The following UTP20 variants were observed in gnomAD, a reference collection of about 807,000 sequenced individuals.
UTP20 encodes small subunit processome component 20 homolog.
A neutral mutation model predicts 329.5 loss-of-function variants in UTP20; 164 were observed. The observed-to-expected ratio is 0.50, with a 90% CI of 0.44 to 0.57. The LOEUF is 0.57. Ranked by LOEUF, UTP20 falls within the 20% of genes least tolerant of loss-of-function variation. The pLI is 0.00. For missense variants in UTP20, 3,055 were observed against 3,284.2 expected (o/e 0.93, Z 1.71); for synonymous variants, 1,151 against 1,159.3 (o/e 0.99, Z 0.14).
rs1480540539 is a variant in UTP20, at chr12:101,385,964, C to A, written c.8203-4C>A. The stretch of plus-strand genomic sequence containing the variant: ...TAATATAAAATTTCTATTCTCTTTT[C>A]CAGTTTGTAACTAATCCTGATATTG... On this transcript the variant is annotated splice_polypyrimidine_tract_variant and splice_region_variant and intron_variant, in intron 61 of 61. Transcript: ENST00000261637. The A allele has an allele frequency of 6.4e-7, 1 of 1,555,840 alleles. No homozygotes were observed. Among genetic ancestry groups the A allele is most frequent in the Non-Finnish European group, 8.7e-7 (1 of 1,148,782 alleles).
chr12:101,365,072 T>TTGAGTG (rs1870049657), intron 45 of UTP20, among the ~76,000 whole-genome samples: 3 of 141,916 alleles, frequency 2.1e-5, no homozygotes, highest in African/African-American at 8.2e-5. Context: ...ATTTTGTTGA[T>TTGAGTG]TGTGTGTGTG....
chr12:101,307,564 A>G (rs1872674899), intron 17 of UTP20, among the ~76,000 whole-genome samples: 2 of 152,118 alleles, frequency 1.3e-5, no homozygotes, highest in Non-Finnish European at 2.9e-5. Flanking sequence ...GTTAGTAAAG[A>G]TGGAGTTTTG....
intron 43 of UTP20, among the ~76,000 whole-genome samples, chr12:101,360,097 A>G (rs1233724532): frequency 1.3e-5 from 2 of 152,184 alleles, no homozygotes; most frequent in Non-Finnish European, 2.9e-5. Flanking sequence ...CTGTTCTTCA[A>G]GTCTATCCCA....
intron 43 of UTP20, among the ~76,000 whole-genome samples, chr12:101,358,831 C>T (rs1422583679): frequency 1.3e-5 from 2 of 152,150 alleles, no homozygotes; most frequent in East Asian, 1.9e-4. Flanking sequence ...AACCATCACA[C>T]TTATAAATTA....
intron 2 of UTP20, among the ~76,000 whole-genome samples, chr12:101,283,915 T>A (rs1871876130): frequency 6.6e-6 from 1 of 152,118 alleles, no homozygotes; most frequent in Admixed American, 6.6e-5. Flanking sequence ...TTTTAATATT[T>A]GTGGTTACAT....
chr12:101,296,330 G>T (rs1178459863), intron 12 of UTP20, among the ~76,000 whole-genome samples: 2 of 152,126 alleles, frequency 1.3e-5, no homozygotes, highest in Non-Finnish European at 2.9e-5. Flanking sequence ...CCAGCACTTT[G>T]GGAGGCCGAG....
At position 101,367,926 on chromosome 12, in the gene UTP20, G is replaced by A; in HGVS notation, c.6334G>A (p.Asp2112Asn). The A allele has an allele frequency of 6.2e-7, 1 of 1,613,844 alleles. No homozygotes were observed. Among genetic ancestry groups the A allele is most frequent in the Non-Finnish European group, 8.5e-7 (1 of 1,179,838 alleles). The change falls in exon 48 of 62, where the codon GAT (aspartate) becomes AAT (asparagine). Residue 2112 changes from aspartate to asparagine, a missense_variant. Physicochemically the swap from Asp to Asn is conservative, Grantham distance 23. Coordinates refer to ENST00000261637, the MANE Select transcript of UTP20 (RefSeq NM_014503.3). ...SSGECVLEML[D>N]PFVSLLIDCL... ...AGGTGAATGTGTCCTGGAAATGCTG[G>A]ATCCTTTTGTGTCTCTCCTCATAGA...
Position 101,285,598 on chromosome 12 carries a change from T to C in UTP20, c.155T>C (p.Leu52Pro). ...EEVETYFFEG[L>P]LKWRELNLTE... The stretch of plus-strand genomic sequence containing the variant: ...GTTGAAACCTACTTTTTTGAGGGTC[T>C]GCTGAAATGGAGAGAATTAAACCTC... The change falls in exon 3 of 62, where the codon CTG (leucine) becomes CCG (proline). Residue 52 changes from leucine (L) to proline (P), a missense_variant. By Grantham distance (98) the Leu-to-Pro change is moderately conservative. Around this residue, in one of 3 missense-constraint regions of UTP20, gnomAD observed 2,445 missense variants for 2,575.5 expected, o/e 0.95. Transcript: ENST00000261637. The C allele has an allele frequency of 6.2e-7, 1 of 1,613,888 alleles. No homozygotes were observed.
At chr12:101,360,598 G>A (rs888821629) in intron 43 of UTP20, among the ~76,000 whole-genome samples, 1 of 152,150 alleles carries the variant, frequency 6.6e-6, no homozygotes, top group African/African-American at 2.4e-5. Context: ...GCTGAGGCGG[G>A]CAGATCACTT....
intron 1 of UTP20, among the ~76,000 whole-genome samples, chr12:101,280,909 CAT>C (rs1272261351): frequency 1.3e-5 from 2 of 152,188 alleles, no homozygotes; most frequent in East Asian, 3.8e-4. Context: ...TTTGAAATGA[CAT>C]AGCTGAGAGA....
intron 31 of UTP20, among the ~76,000 whole-genome samples, chr12:101,340,269 A>G (rs1869077761): frequency 7.2e-5 from 11 of 152,152 alleles, no homozygotes; most frequent in Admixed American, 7.2e-4. Flanking sequence ...TCACCTGTTC[A>G]CTCTAACCCA....
intron 43 of UTP20, among the ~76,000 whole-genome samples, chr12:101,360,642 T>A (rs543370275): frequency 8.5e-5 from 13 of 152,206 alleles, no homozygotes; most frequent in African/African-American, 2.9e-4. Flanking sequence ...CTGGCCAACA[T>A]GCTGAAACCC....
rs991970463 is a variant in UTP20, at chr12:101,383,085, G to A, written c.7701G>A (p.Leu2567=). 2.5e-6 allele frequency: 4 copies of A among 1,610,940 alleles called. No homozygotes were observed. The African/African-American group carries it at 5.4e-5, about 22-fold the overall frequency. ...TCGCAGCCAAAGTCTTGTATTTACT[G>A]GAACTTTATTGTGAGGATAAGCAAA... The part of the protein sequence containing the change: ...LLFAAKVLYL[L]ELYCEDKQSK... Residue 2567 remains leucine, a synonymous_variant, in exon 59 of 62, where the codon CTG becomes CTA. Coordinates refer to ENST00000261637, the MANE Select transcript of UTP20 (RefSeq NM_014503.3).
chr12:101,349,287 T>G (rs540148922), intron 38 of UTP20, among the ~76,000 whole-genome samples: 1 of 152,276 alleles, frequency 6.6e-6, no homozygotes, highest in South Asian at 2.1e-4. Flanking sequence ...TACCTTTGGT[T>G]TTAAGCCATT....
chr12:101,383,223 C>A lies in UTP20; in HGVS notation c.7839C>A (p.Leu2613=). 6.2e-7 allele frequency: 1 copy of A among 1,614,130 alleles called. No homozygotes were observed. Among genetic ancestry groups the A allele is most frequent in the Non-Finnish European group, 8.5e-7 (1 of 1,180,032 alleles). ...GEEKEEVKEE[L]GRPATLLWLI... ...AGAAGGAAGAGGTGAAGGAAGAGCT[C>A]GGCAGGCCGGCCACGCTGCTGTGGT... The change falls in exon 59 of 62, where the codon CTC becomes CTA. Residue 2613 remains leucine, a synonymous_variant. Transcript: ENST00000261637.
chr12:101,351,621 C>T (rs1869529905), intron 38 of UTP20, among the ~76,000 whole-genome samples: 1 of 145,890 alleles, frequency 6.9e-6, no homozygotes, highest in African/African-American at 2.6e-5. Flanking sequence ...TGGTGGTTTG[C>T]TGTACCTACT....
intron 2 of UTP20, among the ~76,000 whole-genome samples, chr12:101,282,083 C>T (rs1871816979): frequency 6.6e-6 from 1 of 152,186 alleles, no homozygotes; most frequent in Non-Finnish European, 1.5e-5. Context: ...CGTAACATGC[C>T]TATACCTTGG....
chr12:101,305,790 G>C (rs934306475), intron 15 of UTP20, 125 bp from the exon 16 acceptor site: 1 of 1,132,900 alleles, frequency 8.8e-7, no homozygotes, highest in Non-Finnish European at 1.2e-6. Flanking sequence ...AGATATCCAC[G>C]TGAGACTTTT....
chr12:101,385,944 TA>T, intron 61 of UTP20, 23 bp from the exon 62 acceptor site: 10 of 1,525,202 alleles, frequency 6.6e-6, no homozygotes, highest in Non-Finnish European at 8.0e-6. Flanking sequence ...AAAAGTAATA[TA>T]AAATTTCTAT....
Sources: allele counts gnomAD v4.1 joint callset (sites outside exome capture counted in the v4.1 genomes callset), GRCh38; gene constraint gnomAD v4.1.1; regional missense constraint gnomAD v4.1.1; transcripts MANE v1.5; gene names NCBI Gene and HGNC (gene_info 2026-07-23, HGNC 2026-07-21).